The following ADGRL3 variants were observed in gnomAD, a reference collection of about 807,000 sequenced individuals.
The protein encoded by ADGRL3 is adhesion G protein-coupled receptor L3.
ADGRL3 carries 62 observed loss-of-function variants against 153.5 expected under a neutral mutation model. The observed-to-expected ratio is 0.40, with a 90% CI of 0.33 to 0.50. The LOEUF is 0.50. ADGRL3 is among the 20% of genes least tolerant of loss of function. The pLI is 0.47. For missense variants in ADGRL3, 1,641 were observed against 1,859.4 expected, an observed-to-expected ratio of 0.88 and a Z score of 2.16; for synonymous variants, 710 against 672.5, an observed-to-expected ratio of 1.06 and a Z score of -0.86.
chr4:61,698,512 T>A (rs2095686198), intron 6 of ADGRL3, among the ~76,000 whole-genome samples: 1 of 151,944 alleles, frequency 6.6e-6, no homozygotes, highest in African/African-American at 2.4e-5. Context: ...TTGAGCTAGC[T>A]CCAGTGCTGT....
At chr4:62,033,608 C>T (rs1001888687) in intron 23 of ADGRL3, among the ~76,000 whole-genome samples, 11 of 151,488 alleles carry the variant, frequency 7.3e-5, no homozygotes, top group Admixed American at 2.6e-4. Flanking sequence ...AACTGATGCT[C>T]AAGAGAAATA....
At chr4:61,872,391 T>TCGC (rs1231561686) in intron 9 of ADGRL3, among the ~76,000 whole-genome samples, 1 of 141,114 alleles carries the variant, frequency 7.1e-6, no homozygotes, top group African/African-American at 2.6e-5. Flanking sequence ...TTTCTTCCTT[T>TCGC]CGCCCTTCCT....
intron 17 of ADGRL3, 70 bp from the exon 18 acceptor site, chr4:61,979,493 C>T: frequency 8.2e-7 from 1 of 1,224,080 alleles, no homozygotes; most frequent in Non-Finnish European, 1.2e-6. Context: ...TTTGTGCATC[C>T]AGGCCCTTAT....
chr4:61,852,553 G>T (rs977582073), intron 9 of ADGRL3, among the ~76,000 whole-genome samples: 2 of 152,006 alleles, frequency 1.3e-5, no homozygotes, highest in Non-Finnish European at 2.9e-5. Flanking sequence ...GACCTCAAGC[G>T]ATCCGCCCGC....
At chr4:61,573,608 A>C (rs1211651717) in intron 4 of ADGRL3, among the ~76,000 whole-genome samples, 1 of 151,902 alleles carries the variant, frequency 6.6e-6, no homozygotes, top group East Asian at 1.9e-4. Flanking sequence ...TTTTTAGCAA[A>C]ATAGAAATCC....
At chr4:61,909,969 T>C (rs907799619) in intron 12 of ADGRL3, among the ~76,000 whole-genome samples, 16 of 152,124 alleles carry the variant, frequency 1.1e-4, no homozygotes, top group Admixed American at 4.6e-4. Context: ...AATCTCTCTA[T>C]ATATATTTTG....
intron 6 of ADGRL3, among the ~76,000 whole-genome samples, chr4:61,714,585 G>A (rs2151528696): frequency 6.6e-6 from 1 of 152,220 alleles, no homozygotes; most frequent in South Asian, 2.1e-4. Flanking sequence ...TGCTTGGTAG[G>A]CACCCTAGCC....
At chr4:61,963,227 A>AT (rs765398869) in intron 17 of ADGRL3, among the ~76,000 whole-genome samples, 10 of 150,822 alleles carry the variant, frequency 6.6e-5, no homozygotes, top group Non-Finnish European at 1.3e-4. Context: ...GGCAGAATTT[A>AT]TTTTTTTATT....
chr4:61,895,602 A>G (rs1581352507), intron 10 of ADGRL3, 129 bp from the exon 11 acceptor site: 2 of 551,640 alleles, frequency 3.6e-6, no homozygotes, highest in African/African-American at 3.8e-5. Context: ...CTGGCACTGT[A>G]TCTGGTGTTT....
chr4:61,992,230 A>G (rs1192984065), intron 19 of ADGRL3, among the ~76,000 whole-genome samples: 1 of 152,150 alleles, frequency 6.6e-6, no homozygotes, highest in Non-Finnish European at 1.5e-5. Context: ...GCTGGACTTC[A>G]GTGTGTTTAG....
intron 9 of ADGRL3, among the ~76,000 whole-genome samples, chr4:61,857,795 C>T (rs2098294944): frequency 6.6e-6 from 1 of 151,924 alleles, no homozygotes; most frequent in African/African-American, 2.4e-5. Flanking sequence ...GTGGTGCATT[C>T]ATAGTTCACC....
chr4:61,505,081 G>A (rs187808899), intron 3 of ADGRL3, among the ~76,000 whole-genome samples: 1 of 152,020 alleles, frequency 6.6e-6, no homozygotes, highest in Non-Finnish European at 1.5e-5. Context: ...GACAGACAAA[G>A]GTTCCCCTTT....
At chr4:61,377,213 G>GTCCTA (rs904515146) in intron 1 of ADGRL3, among the ~76,000 whole-genome samples, 17 of 152,008 alleles carry the variant, frequency 1.1e-4, no homozygotes, top group African/African-American at 4.1e-4. Flanking sequence ...CTCCTATCCT[G>GTCCTA]TCCTATCCTA....
intron 8 of ADGRL3, among the ~76,000 whole-genome samples, chr4:61,737,925 CT>C (rs201707620): frequency 6.7e-6 from 1 of 150,126 alleles, no homozygotes. Flanking sequence ...TCCATTTTTT[CT>C]TTTTTTTTAA....
At chr4:61,441,343 G>A (rs2097526168) in intron 2 of ADGRL3, among the ~76,000 whole-genome samples, 1 of 152,034 alleles carries the variant, frequency 6.6e-6, no homozygotes, top group African/African-American at 2.4e-5. Context: ...AATAATTATA[G>A]AGGCCACCAT....
intron 5 of ADGRL3, among the ~76,000 whole-genome samples, chr4:61,595,781 A>G (rs2098986614): frequency 6.6e-6 from 1 of 152,106 alleles, no homozygotes; most frequent in Admixed American, 6.5e-5. Context: ...CTAGGACCCC[A>G]GAGCACTTTG....
chr4:61,460,045 T>C (rs1349416281), intron 2 of ADGRL3, among the ~76,000 whole-genome samples: 1 of 152,178 alleles, frequency 6.6e-6, no homozygotes. Flanking sequence ...ATTTTGTTGA[T>C]TGCTTCCTTT....
chr4:61,272,814 A>G (rs1192980130), intron 1 of ADGRL3, among the ~76,000 whole-genome samples: 1 of 152,184 alleles, frequency 6.6e-6, no homozygotes, highest in East Asian at 1.9e-4. Flanking sequence ...ATGCCTATCA[A>G]AATACTTGAT....
chr4:61,901,074 G>A (rs1380362559), intron 11 of ADGRL3, among the ~76,000 whole-genome samples: 1 of 152,078 alleles, frequency 6.6e-6, no homozygotes, highest in Non-Finnish European at 1.5e-5. Context: ...TTCAACTTTG[G>A]TGATAGTATA....
Sources: gnomAD v4.1 joint callset for allele counts (sites outside exome capture counted in the v4.1 genomes callset) on GRCh38, gnomAD v4.1.1 for gene constraint, MANE v1.5 for transcripts, NCBI Gene and HGNC (gene_info 2026-07-23, HGNC 2026-07-21) for gene names.